MLLT1: variants seen among roughly 807,000 people sequenced by gnomAD.
The protein encoded by MLLT1 is MLLT1 super elongation complex subunit, also known as protein ENL.
A neutral mutation model predicts 55.1 loss-of-function variants in MLLT1; 11 were observed. That is an observed-to-expected ratio of 0.20 (90% confidence interval 0.13 to 0.33). MLLT1 has a LOEUF of 0.33. Ranked by LOEUF, MLLT1 falls within the 10% of genes least tolerant of loss-of-function variation. MLLT1 has a pLI of 1.00. For missense variants in MLLT1, 536 were observed against 760.6 expected (o/e 0.70, Z 3.47); for synonymous variants, 323 against 320.1 (o/e 1.01, Z -0.10).
chr19:6,268,986 CG>C (rs1253759402), intron 2 of MLLT1, among the ~76,000 whole-genome samples: 1 of 152,138 alleles, frequency 6.6e-6, no homozygotes, highest in Non-Finnish European at 1.5e-5. Flanking sequence ...AATCAGCGTC[CG>C]GGGCCCATCC....
chr19:6,267,947 C>A (rs1364707379), intron 2 of MLLT1, among the ~76,000 whole-genome samples: 1 of 152,098 alleles, frequency 6.6e-6, no homozygotes, highest in African/African-American at 2.4e-5. Flanking sequence ...TTAGTAAGCA[C>A]CTACTGTATC....
In MLLT1 at chr19:6,222,942, T is replaced by C. The variant is rs2090917356; in HGVS notation, c.547-258A>G. Among the ~76,000 whole-genome samples the C allele has an allele frequency of 1.3e-5, 2 of 152,164 alleles. No individual in the cohort carries two copies. Among genetic ancestry groups the C allele is most frequent in the Admixed American group, 1.3e-4 (2 of 15,276 alleles). ...GATTCCCCTCAGAATTGAACTGACA[T>C]TCCCTGAGGGATTCAAGAAGAGCAC... On this transcript the variant is annotated intron_variant, in intron 5 of 11. Transcript: ENST00000252674. The surrounding 1 kb of genome is among the most constrained non-coding windows in gnomAD (Gnocchi z 4.1).
At chr19:6,249,734 A>G (rs1450028825) in intron 3 of MLLT1, among the ~76,000 whole-genome samples, 1 of 152,140 alleles carries the variant, frequency 6.6e-6, no homozygotes, top group Non-Finnish European at 1.5e-5. Context: ...GAAGATATAA[A>G]GGACCCGGTC....
At chr19:6,265,093 G>A (rs759301241) in intron 2 of MLLT1, among the ~76,000 whole-genome samples, 37 of 115,102 alleles carry the variant, frequency 3.2e-4, no homozygotes, top group Non-Finnish European at 6.2e-4. Context: ...CATAAAGCAA[G>A]CGTCCTAAAA....
intron 6 of MLLT1, among the ~76,000 whole-genome samples, chr19:6,220,242 G>A (rs1427996140): frequency 1.3e-5 from 2 of 152,246 alleles, no homozygotes; most frequent in African/African-American, 4.8e-5. Context: ...GAAGCCAAGG[G>A]GCCAGTGGTC....
chr19:6,218,048 C>T lies in MLLT1; in HGVS notation c.1111-7G>A, dbSNP rs560671993. On this transcript the variant is annotated splice_polypyrimidine_tract_variant and splice_region_variant and intron_variant, in intron 6 of 11. Coordinates refer to ENST00000252674, the MANE Select transcript of MLLT1 (RefSeq NM_005934.4). The stretch of plus-strand genomic sequence containing the variant: ...ACGGGCTTGACTGGGCAGACTTCAC[C>T]CAATGGTGGGATGGGCAGGGAGGGG... 2 of 1,605,600 alleles carry T rather than the reference C, an allele frequency of 1.2e-6. No homozygotes were observed. Among genetic ancestry groups the T allele is most frequent in the South Asian group, 1.1e-5 (1 of 90,120 alleles).
rs971834403 is a variant in MLLT1, at chr19:6,270,037, C to T, written c.193+542G>A. Among the ~76,000 whole-genome samples, 1 of 152,104 alleles carries T rather than the reference C, an allele frequency of 6.6e-6. No homozygotes were observed. Among genetic ancestry groups the T allele is most frequent in the South Asian group, 2.1e-4 (1 of 4,824 alleles). On this transcript the variant is annotated intron_variant, in intron 2 of 11. Coordinates refer to ENST00000252674, the MANE Select transcript of MLLT1 (RefSeq NM_005934.4). This position sits in a 1 kb window ranked among gnomAD's most constrained non-coding sequence, Gnocchi z 7.1. ...ACTGGGTGACTTCCTGCCTGTGCCC[C>T]GTCACACTGCACCCTCCAGGAAGGC...
At chr19:6,261,452 G>A (rs544510588) in intron 3 of MLLT1, among the ~76,000 whole-genome samples, 13 of 152,068 alleles carry the variant, frequency 8.5e-5, no homozygotes, top group Non-Finnish European at 1.5e-4. Flanking sequence ...GTAACCAAGC[G>A]GGGCGGCATC....
chr19:6,253,089 C>A (rs2091231379), intron 3 of MLLT1, among the ~76,000 whole-genome samples: 1 of 151,354 alleles, frequency 6.6e-6, no homozygotes, highest in Admixed American at 6.6e-5. Context: ...TGGTGAAACC[C>A]TGTCTCTACT....
chr19:6,212,275 A>AGGC lies in MLLT1; in HGVS notation c.*764_*766dup, dbSNP rs2090782642. ...TGACCCCCCCGGGAGCCCCGGTAGG[A>AGGC]GGCGGCGGCATCCTTGGAACGGCAA... On this transcript the variant is annotated 3_prime_UTR_variant, in exon 12 of 12. Coordinates refer to ENST00000252674, the MANE Select transcript of MLLT1 (RefSeq NM_005934.4). The AGGC allele has an allele frequency of 4.7e-6, 5 of 1,065,466 alleles. No homozygotes were observed. The highest frequency in any genetic ancestry group is 5.7e-6 in the Non-Finnish European group (5 of 879,198). The allele number at this position is 1,065,466 out of a possible 1,614,324, so 66.0% of individuals were successfully genotyped here.
In MLLT1 at chr19:6,212,861, G is replaced by T. The variant is rs1364731734; in HGVS notation, c.*181C>A. 2 of 967,710 alleles carry T rather than the reference G, an allele frequency of 2.1e-6. No homozygotes were observed. The highest frequency in any genetic ancestry group is 2.9e-6 in the Non-Finnish European group (2 of 689,742). 59.9% of individuals were successfully genotyped at this position (967,710 alleles called of 1,614,324 possible). On this transcript the variant is annotated 3_prime_UTR_variant, in exon 12 of 12. Coordinates refer to ENST00000252674, the MANE Select transcript of MLLT1 (RefSeq NM_005934.4). ...GCCCAGCCCGGCCCCAGGGCTCCTG[G>T]CGATGGAGCGGGGAGAGTGGGCAGG...
At position 6,236,110 on chromosome 19, in the gene MLLT1, C is replaced by A. The variant is rs529543969; in HGVS notation, c.277-5397G>T. On this transcript the variant is annotated intron_variant, in intron 3 of 11. Transcript: ENST00000252674. ...ACTCATGTATCCACCAAAAATGCCA[C>A]AGGCGCCTACCATAAGATCCCAGCA... is the stretch of plus-strand genomic sequence containing the variant. Among the ~76,000 whole-genome samples the A allele has an allele frequency of 4.6e-5, 7 of 152,320 alleles. No individual in the cohort carries two copies. In the South Asian group the frequency reaches 1.4e-3, roughly 32 times the overall value.
intron 3 of MLLT1, among the ~76,000 whole-genome samples, chr19:6,248,934 C>T (rs538912614): frequency 6.6e-6 from 1 of 152,204 alleles, no homozygotes; most frequent in South Asian, 2.1e-4. Context: ...TTAAAAAAAT[C>T]GTAACTATGA....
chr19:6,244,663 T>C (rs562647900), intron 3 of MLLT1, among the ~76,000 whole-genome samples: 1 of 152,292 alleles, frequency 6.6e-6, no homozygotes, highest in South Asian at 2.1e-4. Flanking sequence ...AGAAAATATT[T>C]GCAACTCATA....
At chr19:6,244,188 C>T (rs1167947761) in intron 3 of MLLT1, among the ~76,000 whole-genome samples, 1 of 152,008 alleles carries the variant, frequency 6.6e-6, no homozygotes, top group Non-Finnish European at 1.5e-5. Flanking sequence ...CTTCCTCTCC[C>T]GTGTGTCTGC....
intron 3 of MLLT1, among the ~76,000 whole-genome samples, chr19:6,247,416 A>G (rs946188335): frequency 6.6e-6 from 1 of 152,250 alleles, no homozygotes; most frequent in African/African-American, 2.4e-5. Flanking sequence ...CCATGGGAAC[A>G]TGAAATGACA....
chr19:6,218,048 C>A lies in MLLT1; in HGVS notation c.1111-7G>T. 1 of 1,605,598 alleles carries A rather than the reference C, an allele frequency of 6.2e-7. No individual in the cohort carries two copies. Among genetic ancestry groups the A allele is most frequent in the Non-Finnish European group, 8.5e-7 (1 of 1,176,144 alleles). ...ACGGGCTTGACTGGGCAGACTTCAC[C>A]CAATGGTGGGATGGGCAGGGAGGGG... On this transcript the variant is annotated splice_polypyrimidine_tract_variant and splice_region_variant and intron_variant, in intron 6 of 11. Coordinates refer to ENST00000252674, the MANE Select transcript of MLLT1 (RefSeq NM_005934.4).
At chr19:6,234,695 G>A (rs896000989) in intron 3 of MLLT1, among the ~76,000 whole-genome samples, 1 of 152,170 alleles carries the variant, frequency 6.6e-6, no homozygotes, top group Non-Finnish European at 1.5e-5. Context: ...GCGATCCTGA[G>A]TGCCACTGCA....
In MLLT1 at chr19:6,240,587, C is replaced by A. The variant is rs565775081; in HGVS notation, c.277-9874G>T. ...TGGCCCAGAGACCCCCGGGATACAC[C>A]GTTGGGAGAAGAAAGCAAACCACGA... On this transcript the variant is annotated intron_variant, in intron 3 of 11. Coordinates refer to ENST00000252674, the MANE Select transcript of MLLT1 (RefSeq NM_005934.4). The surrounding 1 kb of genome is among the most constrained non-coding windows in gnomAD (Gnocchi z 4.7). 6.6e-6 allele frequency among the ~76,000 whole-genome samples: 1 copy of A among 152,180 alleles called. No individual in the cohort carries two copies. Among genetic ancestry groups the A allele is most frequent in the African/African-American group, 2.4e-5 (1 of 41,422 alleles).
Sources: gnomAD v4.1 joint callset for allele counts (sites outside exome capture counted in the v4.1 genomes callset) on GRCh38, gnomAD v4.1.1 for gene constraint, Gnocchi (gnomAD v3.1) non-coding constraint, MANE v1.5 for transcripts, NCBI Gene and HGNC (gene_info 2026-07-23, HGNC 2026-07-21) for gene names.